Variants in GRM8 observed in about 807,000 individuals in gnomAD.
GRM8 encodes metabotropic glutamate receptor 8.
In GRM8, 47 loss-of-function variants were observed where a neutral mutation model predicts 87.2. The ratio of observed to expected loss-of-function variants is 0.54; its 90% CI spans 0.43 to 0.69. GRM8 has a LOEUF of 0.69. Ranked by LOEUF, GRM8 falls within the 30% of genes least tolerant of loss-of-function variation. The pLI, the probability that GRM8 is intolerant of heterozygous loss-of-function variation, is 0.00. For synonymous variants in GRM8, 396 were observed against 404.5 expected (o/e 0.98, Z 0.25); for missense variants, 1,019 against 1,139.2 (o/e 0.89, Z 1.52).
At chr7:127,229,661 A>C (rs1797559516) in intron 2 of GRM8, 1 of 152,230 alleles carries the variant, frequency 6.6e-6, no homozygotes, top group South Asian at 2.1e-4. Flanking sequence ...CTGCAGCATA[A>C]AGAAGAAAAA....
chr7:126,758,627 T>G (rs1487111548), intron 7 of GRM8, among the ~76,000 whole-genome samples: 1 of 152,176 alleles, frequency 6.6e-6, no homozygotes, highest in African/African-American at 2.4e-5. Context: ...GGGCACACAA[T>G]AGACATTTAA....
intron 7 of GRM8, among the ~76,000 whole-genome samples, chr7:126,679,158 TAGTACC>T (rs1807285079): frequency 2.6e-5 from 4 of 152,240 alleles, no homozygotes; most frequent in African/African-American, 9.6e-5. Context: ...TGAGTAAGCA[TAGTACC>T]TCCCTTCAAG....
intron 1 of GRM8, among the ~76,000 whole-genome samples, chr7:127,246,539 T>C (rs1355840260): frequency 6.6e-6 from 1 of 152,076 alleles, no homozygotes; most frequent in African/African-American, 2.4e-5. Flanking sequence ...GTGGAACCCT[T>C]TGGGGAGGCT....
At chr7:126,916,684 G>T (rs116360945) in intron 3 of GRM8, among the ~76,000 whole-genome samples, 2,107 of 152,266 alleles carry the variant, frequency 0.014, 46 homozygotes, top group African/African-American at 0.048. Context: ...ATTTTCAACA[G>T]ATACAGTGGC....
chr7:126,523,201 CT>C (rs1304242422), intron 9 of GRM8, among the ~76,000 whole-genome samples: 4 of 152,092 alleles, frequency 2.6e-5, no homozygotes, highest in Admixed American at 6.5e-5. Context: ...TCAAAAGCCC[CT>C]AATATGAAAA....
At chr7:126,770,174 T>C (rs1818687869) in intron 6 of GRM8, 109 bp from the exon 7 acceptor site, 1 of 699,186 alleles carries the variant, frequency 1.4e-6, no homozygotes, top group Non-Finnish European at 2.4e-6. Context: ...GACACGACTA[T>C]TTGATTTCAC....
chr7:127,112,230 A>G (rs1447237358), intron 2 of GRM8: 1 of 152,116 alleles, frequency 6.6e-6, no homozygotes, highest in East Asian at 1.9e-4. Context: ...TATCACCACA[A>G]ACATTTTCCC....
intron 6 of GRM8, among the ~76,000 whole-genome samples, chr7:126,802,105 G>T (rs1585996183): frequency 6.6e-6 from 1 of 152,042 alleles, no homozygotes; most frequent in Non-Finnish European, 1.5e-5. Flanking sequence ...TGATGTTTTG[G>T]TATTTCATAC....
intron 9 of GRM8, among the ~76,000 whole-genome samples, chr7:126,457,644 G>A (rs907669387): frequency 4.0e-5 from 6 of 151,138 alleles, no homozygotes; most frequent in Admixed American, 3.3e-4. Context: ...CAAATATTTT[G>A]AACTGAATAA....
At chr7:126,729,745 T>A (rs1404577418) in intron 7 of GRM8, among the ~76,000 whole-genome samples, 2 of 152,184 alleles carry the variant, frequency 1.3e-5, no homozygotes, top group Non-Finnish European at 2.9e-5. Context: ...AGAGAGAGGA[T>A]CTCGAGCTCT....
At chr7:127,018,372 C>G (rs1404395082) in intron 3 of GRM8, among the ~76,000 whole-genome samples, 1 of 148,650 alleles carries the variant, frequency 6.7e-6, no homozygotes, top group East Asian at 2.0e-4. Flanking sequence ...GGAAAACACA[C>G]AATGGAGAGC....
chr7:126,932,900 A>G (rs1046057058), intron 3 of GRM8, among the ~76,000 whole-genome samples: 5 of 152,186 alleles, frequency 3.3e-5, no homozygotes, highest in South Asian at 2.1e-4. Flanking sequence ...GATTAAGACA[A>G]GATTGGCTAT....
At chr7:126,480,665 G>C (rs568359765) in intron 9 of GRM8, among the ~76,000 whole-genome samples, 1 of 152,206 alleles carries the variant, frequency 6.6e-6, no homozygotes, top group Admixed American at 6.5e-5. Context: ...TTGGTTCAAA[G>C]TCAGAGGTAT....
chr7:126,744,799 A>G (rs1231643416), intron 7 of GRM8, among the ~76,000 whole-genome samples: 1 of 151,970 alleles, frequency 6.6e-6, no homozygotes, highest in Non-Finnish European at 1.5e-5. Flanking sequence ...TTAACATGGC[A>G]ACAGATTGAA....
intron 7 of GRM8, among the ~76,000 whole-genome samples, chr7:126,720,659 A>T (rs1812296821): frequency 6.6e-6 from 1 of 152,206 alleles, no homozygotes; most frequent in African/African-American, 2.4e-5. Flanking sequence ...CATAATTCTA[A>T]TATACTAATA....
chr7:126,814,054 T>C (rs958423582), intron 6 of GRM8, among the ~76,000 whole-genome samples: 1 of 152,034 alleles, frequency 6.6e-6, no homozygotes, highest in Non-Finnish European at 1.5e-5. Context: ...GGCCATATGG[T>C]CCACCTGCTC....
At chr7:126,710,561 T>C (rs59960516) in intron 7 of GRM8, among the ~76,000 whole-genome samples, 4,248 of 152,304 alleles carry the variant, frequency 0.028, 220 homozygotes, top group African/African-American at 0.097. Context: ...GTACTCTTCC[T>C]CCATTCAAAT....
At chr7:126,547,878 A>C (rs1365195782) in intron 8 of GRM8, among the ~76,000 whole-genome samples, 1 of 147,602 alleles carries the variant, frequency 6.8e-6, no homozygotes, top group Non-Finnish European at 1.5e-5. Context: ...AAGATTCTGG[A>C]GAACGAAAGA....
At chr7:126,439,362 T>C (rs945494685) in intron 10 of GRM8, among the ~76,000 whole-genome samples, 194 bp from the exon 11 acceptor site, 1 of 152,108 alleles carries the variant, frequency 6.6e-6, no homozygotes, top group Non-Finnish European at 1.5e-5. Context: ...GACTGCATTA[T>C]ATAAAGGTGG....
Sources: allele counts gnomAD v4.1 joint callset (sites outside exome capture counted in the v4.1 genomes callset), GRCh38; gene constraint gnomAD v4.1.1; transcripts MANE v1.5; gene names NCBI Gene and HGNC (gene_info 2026-07-23, HGNC 2026-07-21).